Variants in CIMAP3 observed in about 807,000 individuals in gnomAD.
CIMAP3 encodes ciliary microtubule-associated protein 3.
At chr1:111,336,722 T>G in the CIMAP3 span, among the ~76,000 whole-genome samples, 1 of 152,226 alleles carries the variant, frequency 6.6e-6, no homozygotes, top group South Asian at 2.1e-4. Context: ...TTCGTCTGAT[T>G]GGTGTACCTG....
the CIMAP3 span, among the ~76,000 whole-genome samples, chr1:111,332,414 A>G: frequency 6.6e-6 from 1 of 152,136 alleles, no homozygotes; most frequent in Non-Finnish European, 1.5e-5. Flanking sequence ...TCTAGTTATG[A>G]GTCTGCAGTG....
the CIMAP3 span, chr1:111,347,026 G>T: frequency 6.2e-7 from 1 of 1,613,312 alleles, no homozygotes; most frequent in Middle Eastern, 1.7e-4. Context: ...ACCCCACAGA[G>T]GGCCTGGGTG....
At chr1:111,335,652 C>A in the CIMAP3 span, among the ~76,000 whole-genome samples, 2 of 152,356 alleles carry the variant, frequency 1.3e-5, no homozygotes, top group South Asian at 2.1e-4. Context: ...GGGGGAGGGG[C>A]ACCCGCCATT....
the CIMAP3 span, among the ~76,000 whole-genome samples, chr1:111,336,423 C>G: frequency 7.9e-3 from 1,201 of 152,076 alleles, 15 homozygotes; most frequent in African/African-American, 0.027. Context: ...AAATTCAAAC[C>G]AAAGGCAAAG....
the CIMAP3 span, among the ~76,000 whole-genome samples, chr1:111,350,590 G>T: frequency 6.6e-6 from 1 of 152,002 alleles, no homozygotes; most frequent in African/African-American, 2.4e-5. Flanking sequence ...TGCTCTTTCC[G>T]ACATACCCCT....
the CIMAP3 span, among the ~76,000 whole-genome samples, chr1:111,339,598 A>T: frequency 0.077 from 11,731 of 151,708 alleles, 660 homozygotes; most frequent in African/African-American, 0.14. Context: ...GTGAATTCCC[A>T]TTCACAATTG....
At chr1:111,329,516 CATATATATATATATATATATATATAT>C in the CIMAP3 span, among the ~76,000 whole-genome samples, 20,992 of 106,728 alleles carry the variant, frequency 0.2, 1,944 homozygotes, top group African/African-American at 0.23. Flanking sequence ...CACATAAACC[CATATATATATATATATATATATATAT>C]ATATATATAT....
At chr1:111,330,892 G>A in the CIMAP3 span, among the ~76,000 whole-genome samples, 4 of 152,180 alleles carry the variant, frequency 2.6e-5, no homozygotes, top group Non-Finnish European at 4.4e-5. Flanking sequence ...GCAGTTGTGG[G>A]GACCCATGGG....
the CIMAP3 span, among the ~76,000 whole-genome samples, chr1:111,335,636 G>C: frequency 4.6e-5 from 7 of 152,228 alleles, no homozygotes; most frequent in African/African-American, 1.2e-4. Context: ...AGGGGGCAGC[G>C]AGGCTGGGGG....
the CIMAP3 span, among the ~76,000 whole-genome samples, chr1:111,337,451 C>G: frequency 0.29 from 43,897 of 151,698 alleles, 7,287 homozygotes; most frequent in South Asian, 0.42. Flanking sequence ...TTCAGGAAAC[C>G]CATCTCACAT....
At chr1:111,350,258 T>C in the CIMAP3 span, 5 of 1,504,660 alleles carry the variant, frequency 3.3e-6, no homozygotes, top group East Asian at 2.3e-5. Context: ...AAGACTCTTA[T>C]TCGATCTAGT....
chr1:111,346,696 A>T, the CIMAP3 span: 8 of 1,609,446 alleles, frequency 5.0e-6, no homozygotes, highest in Non-Finnish European at 6.8e-6. Flanking sequence ...CGAGAAGCCT[A>T]GAGTAGAGGG....
At chr1:111,339,720 G>C in the CIMAP3 span, among the ~76,000 whole-genome samples, 13 of 152,012 alleles carry the variant, frequency 8.6e-5, 1 homozygote, top group African/African-American at 3.1e-4. Flanking sequence ...ACAAACAACT[G>C]GAAGAACATT....
At chr1:111,329,854 A>G in the CIMAP3 span, among the ~76,000 whole-genome samples, 1 of 152,074 alleles carries the variant, frequency 6.6e-6, no homozygotes, top group South Asian at 2.1e-4. Flanking sequence ...ACACCCAGTC[A>G]TAATCCCATA....
At chr1:111,340,240 A>G in the CIMAP3 span, among the ~76,000 whole-genome samples, 31 of 151,840 alleles carry the variant, frequency 2.0e-4, no homozygotes, top group Admixed American at 2.0e-3. Flanking sequence ...TTAGACCTAA[A>G]ACCATAAAAA....
the CIMAP3 span, among the ~76,000 whole-genome samples, chr1:111,339,394 A>C: frequency 1.3e-5 from 2 of 149,702 alleles, no homozygotes; most frequent in Non-Finnish European, 1.5e-5. Context: ...GTATTCAATT[A>C]GGAAAAGAGG....
At chr1:111,327,520 T>C in the CIMAP3 span, among the ~76,000 whole-genome samples, 1 of 152,134 alleles carries the variant, frequency 6.6e-6, no homozygotes, top group Non-Finnish European at 1.5e-5. Flanking sequence ...TATGTATTAC[T>C]GATTCAGTTT....
the CIMAP3 span, among the ~76,000 whole-genome samples, chr1:111,332,010 G>C: frequency 6.6e-5 from 10 of 152,192 alleles, no homozygotes; most frequent in Middle Eastern, 3.2e-3. Context: ...CTTAGGCTGA[G>C]AGAATTGGTG....
chr1:111,346,522 G>A, the CIMAP3 span: 3 of 1,446,318 alleles, frequency 2.1e-6, no homozygotes, highest in Non-Finnish European at 2.8e-6. Flanking sequence ...TGGCTCGGTG[G>A]ACGCCCCAAC....
Sources: allele counts gnomAD v4.1 joint callset (sites outside exome capture counted in the v4.1 genomes callset), GRCh38; gene constraint gnomAD v4.1.1; transcripts MANE v1.5; gene names NCBI Gene and HGNC (gene_info 2026-07-23, HGNC 2026-07-21).